ERC2: variants seen among roughly 807,000 people sequenced by gnomAD.
ERC2 encodes ERC protein 2.
A neutral mutation model predicts 114.8 loss-of-function variants in ERC2; 42 were observed. The observed-to-expected ratio is 0.37, with a 90% CI of 0.29 to 0.47. ERC2 has a LOEUF of 0.47. ERC2 is among the 20% of genes least tolerant of loss of function. ERC2 has a pLI of 0.99. For missense variants in ERC2, 939 were observed against 1,150.7 expected (o/e 0.82, Z 2.66); for synonymous variants, 454 against 425.5 (o/e 1.07, Z -0.82).
chr3:56,033,064 G>GAA (rs2074572353), intron 7 of ERC2, among the ~76,000 whole-genome samples: 1 of 115,678 alleles, frequency 8.6e-6, no homozygotes, highest in African/African-American at 2.6e-5. Context: ...AAGAAAGAAA[G>GAA]AAAGAAAGAA....
intron 12 of ERC2, among the ~76,000 whole-genome samples, chr3:55,969,970 A>G (rs1386885842): frequency 6.6e-6 from 1 of 152,220 alleles, no homozygotes; most frequent in Non-Finnish European, 1.5e-5. Flanking sequence ...ACTGGTAGAC[A>G]TAAAAACTAA....
chr3:55,919,496 T>A (rs2065291044), intron 13 of ERC2, among the ~76,000 whole-genome samples: 1 of 152,138 alleles, frequency 6.6e-6, no homozygotes, highest in African/African-American at 2.4e-5. Flanking sequence ...GAAATTAACA[T>A]GAATTGCCCA....
intron 14 of ERC2, among the ~76,000 whole-genome samples, chr3:55,750,610 A>G (rs967579487): frequency 6.6e-6 from 1 of 152,156 alleles, no homozygotes; most frequent in Admixed American, 6.5e-5. Flanking sequence ...TCTGGAAGGA[A>G]AAGAGTGGCT....
intron 7 of ERC2, among the ~76,000 whole-genome samples, chr3:56,040,640 A>ATATAGATGTATATGTATATATACATC (rs1268000879): frequency 5.4e-5 from 6 of 110,836 alleles, no homozygotes; most frequent in African/African-American, 1.2e-4. Context: ...ATATATACAT[A>ATATAGATGTATATGTATATATACATC]TATAGATGTA....
intron 7 of ERC2, among the ~76,000 whole-genome samples, chr3:56,037,520 A>C (rs567495606): frequency 6.6e-6 from 1 of 152,324 alleles, no homozygotes; most frequent in Non-Finnish European, 1.5e-5. Flanking sequence ...ATGAAAAGGA[A>C]GGAACAAAAG....
At chr3:56,065,009 A>C (rs143560795) in intron 7 of ERC2, among the ~76,000 whole-genome samples, 258 of 152,336 alleles carry the variant, frequency 1.7e-3, no homozygotes, top group African/African-American at 5.5e-3. Context: ...GGATAAAAGA[A>C]TGACTAAGAC....
At chr3:55,596,963 T>A (rs1193558368) in intron 17 of ERC2, among the ~76,000 whole-genome samples, 2 of 152,182 alleles carry the variant, frequency 1.3e-5, no homozygotes, top group Non-Finnish European at 2.9e-5. Context: ...CTTATAAGCT[T>A]CATCTAAAGA....
At chr3:55,709,122 C>T (rs1288697319) in intron 15 of ERC2, among the ~76,000 whole-genome samples, 4 of 152,106 alleles carry the variant, frequency 2.6e-5, no homozygotes, top group African/African-American at 9.7e-5. Flanking sequence ...CTCGGGGTAT[C>T]GCCTAACAGA....
chr3:56,371,095 A>C (rs1249879374), intron 2 of ERC2, among the ~76,000 whole-genome samples: 1 of 152,224 alleles, frequency 6.6e-6, no homozygotes, highest in Non-Finnish European at 1.5e-5. Context: ...GAAGATTCAG[A>C]TTCTGGCTTT....
intron 7 of ERC2, among the ~76,000 whole-genome samples, chr3:56,022,476 C>A (rs568032032): frequency 6.3e-4 from 96 of 152,136 alleles, no homozygotes; most frequent in Non-Finnish European, 1.2e-3. Flanking sequence ...AGAAAATAAT[C>A]CTTTCATACT....
At chr3:55,871,167 T>C (rs1329251521) in intron 14 of ERC2, among the ~76,000 whole-genome samples, 1 of 152,184 alleles carries the variant, frequency 6.6e-6, no homozygotes, top group African/African-American at 2.4e-5. Context: ...AAATAATCAA[T>C]ACTGGAGTAA....
chr3:56,238,982 G>A (rs1272434368), intron 3 of ERC2, among the ~76,000 whole-genome samples: 4 of 152,218 alleles, frequency 2.6e-5, no homozygotes, highest in African/African-American at 7.2e-5. Flanking sequence ...CTATAAAAAG[G>A]ATGTCATTAA....
chr3:56,197,515 G>A (rs2048177893), intron 3 of ERC2, among the ~76,000 whole-genome samples: 1 of 152,148 alleles, frequency 6.6e-6, no homozygotes, highest in African/African-American at 2.4e-5. Flanking sequence ...AGGAAATATA[G>A]TCCAGTTGTG....
In ERC2 at chr3:55,553,011, A is replaced by ATTTT. The variant is rs66602607; in HGVS notation, c.*40-41739_*40-41736dup. On this transcript the variant is annotated intron_variant, in intron 17 of 17. Coordinates refer to ENST00000288221, the MANE Select transcript of ERC2 (RefSeq NM_015576.3). ...GTCGTTATTATTGTGGGGCTTCCAG[A>ATTTT]TTTTTTTTTTTTTTTTTTTTTTTTT... 1.2e-3 allele frequency among the ~76,000 whole-genome samples: 69 copies of ATTTT among 55,218 alleles called. 13 individuals carry two copies. The highest frequency in any genetic ancestry group is 2.5e-3 in the African/African-American group (37 of 14,982). The allele number at this position is 55,218 out of a possible 152,430, so 36.2% of individuals were successfully genotyped here. A position where few individuals can be genotyped will look rare whatever the true frequency, so the allele number is the denominator to read the frequency against.
intron 14 of ERC2, among the ~76,000 whole-genome samples, chr3:55,864,887 A>G (rs1200069620): frequency 6.6e-6 from 1 of 151,960 alleles, no homozygotes; most frequent in Non-Finnish European, 1.5e-5. Flanking sequence ...TATCACCATC[A>G]CCGCCATAAT....
At chr3:55,748,909 T>C (rs796469561) in intron 14 of ERC2, among the ~76,000 whole-genome samples, 8 of 152,362 alleles carry the variant, frequency 5.3e-5, no homozygotes, top group Non-Finnish European at 2.9e-5. Flanking sequence ...TTCAACCCAA[T>C]AGTCTTCCAA....
chr3:56,358,904 C>T (rs1355884673), intron 2 of ERC2, among the ~76,000 whole-genome samples: 2 of 152,172 alleles, frequency 1.3e-5, no homozygotes, highest in Non-Finnish European at 1.5e-5. Context: ...GCTGACTTGT[C>T]ATCACTGAGG....
chr3:55,650,013 C>A (rs2060548542), intron 17 of ERC2, among the ~76,000 whole-genome samples: 1 of 152,192 alleles, frequency 6.6e-6, no homozygotes, highest in Non-Finnish European at 1.5e-5. Context: ...TCAGCCCTTC[C>A]ACTGCCCTTG....
chr3:56,428,927 C>G (rs142671536), intron 2 of ERC2, among the ~76,000 whole-genome samples: 2 of 152,136 alleles, frequency 1.3e-5, no homozygotes, highest in African/African-American at 2.4e-5. Flanking sequence ...GTGTGTGGTG[C>G]TATTTATATT....
Sources: gnomAD v4.1 joint callset for allele counts (sites outside exome capture counted in the v4.1 genomes callset) on GRCh38, gnomAD v4.1.1 for gene constraint, MANE v1.5 for transcripts, NCBI Gene and HGNC (gene_info 2026-07-23, HGNC 2026-07-21) for gene names.